MSRB2: variants seen among roughly 807,000 people sequenced by gnomAD.
The protein encoded by MSRB2 is methionine sulfoxide reductase B2.
MSRB2 carries 17 observed loss-of-function variants against 19.0 expected under a neutral mutation model. The observed-to-expected ratio is 0.89, with a 90% CI of 0.61 to 1.34. The LOEUF is 1.34. Ranked by LOEUF, MSRB2 falls within the 40% of genes most tolerant of loss-of-function variation. The probability of loss-of-function intolerance (pLI) is 0.00; values close to 1 mark genes in which losing one functional copy is unlikely to be tolerated. For synonymous variants in MSRB2, 107 were observed against 99.7 expected (o/e 1.07, Z -0.44); for missense variants, 208 against 237.6 (o/e 0.88, Z 0.82).
intron 2 of MSRB2, among the ~76,000 whole-genome samples, chr10:23,107,216 A>T (rs1265933370): frequency 6.6e-6 from 1 of 152,068 alleles, no homozygotes; most frequent in Non-Finnish European, 1.5e-5. Context: ...CTAAAAACCA[A>T]CTCCAATCAG....
At chr10:23,111,550 G>C (rs1048091219) in intron 3 of MSRB2, among the ~76,000 whole-genome samples, 1 of 152,246 alleles carries the variant, frequency 6.6e-6, no homozygotes, top group East Asian at 1.9e-4. Flanking sequence ...TTGATGTTCC[G>C]GTTTCTGCAT....
intron 3 of MSRB2, among the ~76,000 whole-genome samples, chr10:23,111,180 G>A (rs1201818780): frequency 6.6e-6 from 1 of 152,220 alleles, no homozygotes; most frequent in East Asian, 1.9e-4. Flanking sequence ...CAAGGATGAG[G>A]AGCGATTAGC....
chr10:23,108,327 G>C (rs1341906518), intron 2 of MSRB2, among the ~76,000 whole-genome samples: 1 of 152,070 alleles, frequency 6.6e-6, no homozygotes, highest in East Asian at 1.9e-4. Context: ...CTGTCCAGCT[G>C]CCCCCCTGCA....
At position 23,121,111 on chromosome 10, in the gene MSRB2, G is replaced by A; in HGVS notation, c.*249G>A. 1.2e-5 allele frequency: 5 copies of A among 409,548 alleles called. No individual in the cohort carries two copies. The South Asian group carries it at 2.1e-4, about 17-fold the overall frequency. The allele number at this position is 409,548 out of a possible 1,614,324, so 25.4% of individuals were successfully genotyped here. On this transcript the variant is annotated 3_prime_UTR_variant, in exon 5 of 5. Transcript: ENST00000376510. ...GAATTTGAAAAAAAAAGAAAAACTA[G>A]AAAAATAAACAAAATTAAAAAGAAA...
At chr10:23,108,121 C>T (rs1977372) in intron 2 of MSRB2, among the ~76,000 whole-genome samples, 31,243 of 151,916 alleles carry the variant, frequency 0.21, 4,017 homozygotes, top group Non-Finnish European at 0.28. Context: ...CTACACCCGG[C>T]TAATATTTTG....
At position 23,120,958 on chromosome 10, in the gene MSRB2, G is replaced by A; in HGVS notation, c.*96G>A. ...GACTTGTTTTATTTGCAATAAAACTGGGCTGAATTTGCTGCTGTCTCCAGC... is the reference window on the plus strand; with the variant it reads ...GACTTGTTTTATTTGCAATAAAACTAGGCTGAATTTGCTGCTGTCTCCAGC... On this transcript the variant is annotated 3_prime_UTR_variant, in exon 5 of 5. Coordinates refer to ENST00000376510, the MANE Select transcript of MSRB2 (RefSeq NM_012228.4). 2 of 951,434 alleles carry A rather than the reference G, an allele frequency of 2.1e-6. No homozygotes were observed. Among genetic ancestry groups the A allele is most frequent in the Non-Finnish European group, 3.2e-6 (2 of 623,810 alleles). The allele number at this position is 951,434 out of a possible 1,614,324, so 58.9% of individuals were successfully genotyped here.
intron 1 of MSRB2, among the ~76,000 whole-genome samples, chr10:23,100,249 A>G (rs2131621837): frequency 6.6e-6 from 1 of 152,228 alleles, no homozygotes; most frequent in African/African-American, 2.4e-5. Flanking sequence ...CCACGGGACC[A>G]GAGTTTAGAT....
In MSRB2 at chr10:23,104,194, A is replaced by G; in HGVS notation, c.169A>G (p.Lys57Glu). Residue 57 changes from lysine to glutamate, a missense_variant, in exon 2 of 5, where the codon AAA (lysine) becomes GAA (glutamate). By Grantham distance (56) the Lys-to-Glu change is moderately conservative (BLOSUM62 1). Coordinates refer to ENST00000376510, the MANE Select transcript of MSRB2 (RefSeq NM_012228.4). Reference sequence around the variant, plus strand: ...TCTTGCCAAGAGTGAGTGGCAAAAGAAACTAACCCCGGAGCAGTTCTACGT... The same window carrying G: ...TCTTGCCAAGAGTGAGTGGCAAAAGGAACTAACCCCGGAGCAGTTCTACGT... ...LPLAKSEWQK[K>E]LTPEQFYVTR... is the part of the protein sequence containing the mutation. 6.2e-7 allele frequency: 1 copy of G among 1,614,024 alleles called. No homozygotes were observed. The highest frequency in any genetic ancestry group is 8.5e-7 in the Non-Finnish European group (1 of 1,179,938).
chr10:23,110,706 C>G (rs1165919053), intron 3 of MSRB2, among the ~76,000 whole-genome samples: 1 of 151,946 alleles, frequency 6.6e-6, no homozygotes, highest in Non-Finnish European at 1.5e-5. Context: ...AAAACTCTCT[C>G]CCAGGGAAAA....
intron 3 of MSRB2, among the ~76,000 whole-genome samples, chr10:23,116,348 G>A (rs556320759): frequency 2.7e-4 from 41 of 152,318 alleles, no homozygotes; most frequent in Non-Finnish European, 5.0e-4. Flanking sequence ...GGAAGGGGGA[G>A]CAGCTGGGGT....
intron 3 of MSRB2, among the ~76,000 whole-genome samples, chr10:23,118,227 C>T (rs1840134438): frequency 6.6e-6 from 1 of 151,980 alleles, no homozygotes; most frequent in Non-Finnish European, 1.5e-5. Context: ...AGAATTGCTG[C>T]ATTACACAAT....
At chr10:23,106,974 A>G (rs1389430004) in intron 2 of MSRB2, among the ~76,000 whole-genome samples, 2 of 152,210 alleles carry the variant, frequency 1.3e-5, no homozygotes, top group African/African-American at 2.4e-5. Flanking sequence ...TCCCAGGGGA[A>G]TCTTGAACAT....
chr10:23,115,238 C>T (rs1840099002), intron 3 of MSRB2, among the ~76,000 whole-genome samples: 1 of 152,172 alleles, frequency 6.6e-6, no homozygotes, highest in African/African-American at 2.4e-5. Context: ...GTGACATTGC[C>T]CATCACTGCC....
In MSRB2 at chr10:23,121,198, C is replaced by T; in HGVS notation, c.*336C>T. 1 of 218,096 alleles carries T rather than the reference C, an allele frequency of 4.6e-6. No homozygotes were observed. The allele number at this position is 218,096 out of a possible 1,614,324, so 13.5% of individuals were successfully genotyped here. A position where few individuals can be genotyped will look rare whatever the true frequency, so the allele number is the denominator to read the frequency against. On this transcript the variant is annotated 3_prime_UTR_variant, in exon 5 of 5. Coordinates refer to ENST00000376510, the MANE Select transcript of MSRB2 (RefSeq NM_012228.4). ...GAGGTTTAATTGACTCACAGTTCTG[C>T]AGGGTGTACAGAAAGCATGGTGCCA...
chr10:23,112,223 T>C (rs552908541), intron 3 of MSRB2, among the ~76,000 whole-genome samples: 10 of 152,328 alleles, frequency 6.6e-5, no homozygotes, highest in Admixed American at 6.5e-4. Context: ...GACTTCTGAG[T>C]TTGTTTCTCT....
intron 2 of MSRB2, among the ~76,000 whole-genome samples, chr10:23,105,309 G>A (rs1471309450): frequency 6.6e-6 from 1 of 151,294 alleles, no homozygotes; most frequent in Non-Finnish European, 1.5e-5. Flanking sequence ...ATCGAGTCAG[G>A]GTATTTAGGG....
intron 4 of MSRB2, among the ~76,000 whole-genome samples, chr10:23,119,878 G>T (rs765574574): frequency 7.9e-5 from 12 of 151,930 alleles, no homozygotes; most frequent in Non-Finnish European, 1.6e-4. Flanking sequence ...TACAGGCGTG[G>T]GCCACCACAC....
chr10:23,097,436 G>T (rs1271086805), intron 1 of MSRB2, among the ~76,000 whole-genome samples: 1 of 152,200 alleles, frequency 6.6e-6, no homozygotes, highest in Admixed American at 6.5e-5. Flanking sequence ...CTGCTTCCTG[G>T]CTTGCAGTTG....
Position 23,096,352 on chromosome 10 carries a change from C to CTCTCTGTGTGTGTGTGTGTG in MSRB2, c.118+627_118+628insCTCTGTGTGTGTGTGTGTGT, listed in dbSNP as rs144653384. Among the ~76,000 whole-genome samples, 288 of 142,822 alleles carry CTCTCTGTGTGTGTGTGTGTG rather than the reference C, an allele frequency of 2.0e-3. 2 individuals are homozygous for CTCTCTGTGTGTGTGTGTGTG. Among genetic ancestry groups the CTCTCTGTGTGTGTGTGTGTG allele is most frequent in the East Asian group, 8.7e-3 (43 of 4,948 alleles). 93.7% of individuals were successfully genotyped at this position (142,822 alleles called of 152,430 possible). A position where few individuals can be genotyped will look rare whatever the true frequency, so the allele number is the denominator to read the frequency against. ...TGTGTGTGTGTGTCTCTCTCTCTCT[C>CTCTCTGTGTGTGTGTGTGTG]TGTGTGTGTGTGTGTGTGTGTTTCT... On this transcript the variant is annotated intron_variant, in intron 1 of 4. Coordinates refer to ENST00000376510, the MANE Select transcript of MSRB2 (RefSeq NM_012228.4).
Sources: allele counts gnomAD v4.1 joint callset (sites outside exome capture counted in the v4.1 genomes callset), GRCh38; gene constraint gnomAD v4.1.1; transcripts MANE v1.5; gene names NCBI Gene and HGNC (gene_info 2026-07-23, HGNC 2026-07-21).